Variants in USP13 observed in about 807,000 individuals in gnomAD.
The protein encoded by USP13 is ubiquitin carboxyl-terminal hydrolase 13.
Under a neutral mutation model 107.8 loss-of-function variants are expected in USP13, and 68 were observed. The observed-to-expected ratio is 0.63, with a 90% CI of 0.52 to 0.77. The LOEUF is 0.77. Ranked by LOEUF, USP13 falls within the 30% of genes least tolerant of loss-of-function variation. USP13 has a pLI of 0.00. For missense variants in USP13, 945 were observed against 1,093.3 expected (o/e 0.86, Z 1.91); for synonymous variants, 377 against 389.5 (o/e 0.97, Z 0.38).
chr3:179,753,295 G>T (rs547025000), intron 14 of USP13, among the ~76,000 whole-genome samples: 1 of 152,298 alleles, frequency 6.6e-6, no homozygotes, highest in South Asian at 2.1e-4. Flanking sequence ...TGTTTGCCAC[G>T]TGAAATTGTG....
At chr3:179,681,549 C>T (rs1711653152) in intron 1 of USP13, among the ~76,000 whole-genome samples, 1 of 152,122 alleles carries the variant, frequency 6.6e-6, no homozygotes, top group Non-Finnish European at 1.5e-5. Flanking sequence ...CGAGCGCGTC[C>T]TCAGGAGCTG....
chr3:179,727,695 C>T (rs1257159007), intron 8 of USP13, among the ~76,000 whole-genome samples: 1,263 of 69,654 alleles, frequency 0.018, 118 homozygotes, highest in African/African-American at 0.06. Flanking sequence ...ACCTCCCAGA[C>T]GGGGTGGTGC....
At chr3:179,696,530 G>A (rs111770620) in intron 3 of USP13, among the ~76,000 whole-genome samples, 11 of 151,862 alleles carry the variant, frequency 7.2e-5, no homozygotes, top group South Asian at 2.1e-4. Flanking sequence ...ACGGGGTTTC[G>A]CCATGTTGGC....
chr3:179,775,377 A>G (rs1463676062), intron 19 of USP13, among the ~76,000 whole-genome samples: 1 of 152,226 alleles, frequency 6.6e-6, no homozygotes, highest in Non-Finnish European at 1.5e-5. Flanking sequence ...CAGAGTGCTG[A>G]TTGGTGCATA....
intron 3 of USP13, among the ~76,000 whole-genome samples, chr3:179,690,811 C>A (rs956505442): frequency 6.6e-6 from 1 of 152,136 alleles, no homozygotes; most frequent in Non-Finnish European, 1.5e-5. Context: ...TGAGCTCAAG[C>A]GATCCAACTG....
At chr3:179,776,146 T>G (rs553289605) in intron 19 of USP13, among the ~76,000 whole-genome samples, 2 of 152,244 alleles carry the variant, frequency 1.3e-5, no homozygotes, top group Admixed American at 1.3e-4. Context: ...ATGAACTAAG[T>G]TCATCCCCCT....
chr3:179,707,113 A>G, intron 5 of USP13, 37 bp downstream of exon 5: 1 of 1,578,150 alleles, frequency 6.3e-7, no homozygotes, highest in Non-Finnish European at 8.6e-7. Context: ...TTTACTCCCT[A>G]AAACTGTCCA....
chr3:179,671,450 A>G (rs1157054620), intron 1 of USP13, among the ~76,000 whole-genome samples: 2 of 152,140 alleles, frequency 1.3e-5, no homozygotes, highest in Non-Finnish European at 2.9e-5. Context: ...AAACAGGAAG[A>G]AAAAAAATTC....
chr3:179,715,062 T>G (rs1430435094), intron 6 of USP13, among the ~76,000 whole-genome samples: 1 of 151,792 alleles, frequency 6.6e-6, no homozygotes, highest in East Asian at 1.9e-4. Context: ...CATTTTTTTT[T>G]GTAGAAATGG....
At chr3:179,719,078 C>T (rs1467227664) in intron 6 of USP13, among the ~76,000 whole-genome samples, 1 of 152,152 alleles carries the variant, frequency 6.6e-6, no homozygotes, top group African/African-American at 2.4e-5. Context: ...CCATACACCC[C>T]ACTTTGAGAA....
chr3:179,767,556 C>T (rs1292900810), intron 19 of USP13, among the ~76,000 whole-genome samples: 3 of 152,054 alleles, frequency 2.0e-5, no homozygotes, highest in South Asian at 2.1e-4. Flanking sequence ...TCCCGAGTAG[C>T]TGGAATTACA....
chr3:179,748,303 GC>G (rs1385514384), intron 13 of USP13, among the ~76,000 whole-genome samples: 3 of 152,150 alleles, frequency 2.0e-5, no homozygotes, highest in Non-Finnish European at 4.4e-5. Flanking sequence ...TTTTTGTAGA[GC>G]CTTGCTTTTT....
chr3:179,754,431 T>A (rs1714715657), intron 14 of USP13, among the ~76,000 whole-genome samples: 1 of 152,232 alleles, frequency 6.6e-6, no homozygotes, highest in South Asian at 2.1e-4. Flanking sequence ...TCCACACTTT[T>A]AAAATATCAA....
chr3:179,711,704 T>C (rs1336591816), intron 6 of USP13, among the ~76,000 whole-genome samples: 1 of 152,158 alleles, frequency 6.6e-6, no homozygotes, highest in Non-Finnish European at 1.5e-5. Flanking sequence ...GACAATAACA[T>C]GCATGGACCT....
rs575791767 is a variant in USP13, at chr3:179,686,622, G to A, written c.295-3619G>A. 7.6e-4 allele frequency among the ~76,000 whole-genome samples: 115 copies of A among 152,282 alleles called. 1 individual carries two copies. Among genetic ancestry groups the A allele is most frequent in the Admixed American group, 3.1e-3 (47 of 15,308 alleles). On this transcript the variant is annotated intron_variant, in intron 2 of 20. Coordinates refer to ENST00000263966, the MANE Select transcript of USP13 (RefSeq NM_003940.3). ...CGCCACACAACCATCTTTCTAATTT[G>A]TGTCCTTCTTCAGTCATTGCATTCT...
Position 179,784,325 on chromosome 3 carries a change from G to A in USP13, c.*184G>A. On this transcript the variant is annotated 3_prime_UTR_variant, in exon 21 of 21. Coordinates refer to ENST00000263966, the MANE Select transcript of USP13 (RefSeq NM_003940.3). The stretch of plus-strand genomic sequence containing the variant: ...GAACTGAGAAGAAATTTCTATTAGT[G>A]ATGATACACTATTATATTGTAGATA... 1.8e-6 allele frequency: 1 copy of A among 543,360 alleles called. No homozygotes were observed. Among genetic ancestry groups the A allele is most frequent in the Non-Finnish European group, 3.3e-6 (1 of 306,404 alleles). 33.7% of individuals were successfully genotyped at this position (543,360 alleles called of 1,614,324 possible).
chr3:179,753,866 G>A (rs1405709583), intron 14 of USP13, among the ~76,000 whole-genome samples: 1 of 151,902 alleles, frequency 6.6e-6, no homozygotes, highest in African/African-American at 2.4e-5. Context: ...ATCTTGACAG[G>A]GTATTAGTCT....
intron 20 of USP13, 48 bp downstream of exon 20, chr3:179,781,871 C>A: frequency 1.3e-6 from 2 of 1,498,770 alleles, no homozygotes; most frequent in South Asian, 1.1e-5. Context: ...TATTGAGTAC[C>A]TACTATATGC....
intron 20 of USP13, 31 bp from the exon 21 acceptor site, chr3:179,784,017 A>G (rs768282519): frequency 6.3e-7 from 1 of 1,577,902 alleles, no homozygotes; most frequent in Admixed American, 1.8e-5. Flanking sequence ...AACTGACTTA[A>G]ATCCATCAAA....
Sources: gnomAD v4.1 joint callset for allele counts (sites outside exome capture counted in the v4.1 genomes callset) on GRCh38, gnomAD v4.1.1 for gene constraint, MANE v1.5 for transcripts, NCBI Gene and HGNC (gene_info 2026-07-23, HGNC 2026-07-21) for gene names.